COPB1: variants seen among roughly 807,000 people sequenced by gnomAD.
COPB1 encodes coat protein complex I subunit beta 1.
In COPB1, 21 loss-of-function variants were observed where a neutral mutation model predicts 108.7. The observed-to-expected ratio is 0.19, with a 90% CI of 0.14 to 0.28. The LOEUF is 0.28. COPB1 is among the 10% of genes least tolerant of loss of function. The pLI is 1.00. For missense variants in COPB1, 919 were observed against 1,141.3 expected (o/e 0.81, Z 2.81); for synonymous variants, 378 against 386.8 (o/e 0.98, Z 0.27).
intron 2 of COPB1, among the ~76,000 whole-genome samples, chr11:14,498,216 C>A (rs138918793): frequency 6.6e-6 from 1 of 152,328 alleles, no homozygotes; most frequent in East Asian, 1.9e-4. Flanking sequence ...GGGATGGATA[C>A]TCCATTTTTC....
chr11:14,461,395 A>G lies in COPB1; in HGVS notation c.2411-64T>C. The G allele has an allele frequency of 2.7e-6, 4 of 1,492,642 alleles. No individual in the cohort carries two copies. The South Asian group carries it at 3.6e-5, about 13-fold the overall frequency. 92.5% of individuals were successfully genotyped at this position (1,492,642 alleles called of 1,614,324 possible). A position where few individuals can be genotyped will look rare whatever the true frequency, so the allele number is the denominator to read the frequency against. On this transcript the variant is annotated intron_variant, in intron 18 of 21. Transcript: ENST00000439561. ...GCAAACTTGAATTTAAAAAATCTTA[A>G]TATCCAAATATCCAAAGAACTACAC... is the stretch of plus-strand genomic sequence containing the variant.
intron 18 of COPB1, among the ~76,000 whole-genome samples, chr11:14,463,618 C>T (rs1320584330): frequency 6.6e-6 from 1 of 152,204 alleles, no homozygotes; most frequent in East Asian, 1.9e-4. Context: ...CCACACCCGG[C>T]CTATCTCTAG....
intron 17 of COPB1, 71 bp from the exon 18 acceptor site, chr11:14,465,101 ACACACAC>A: frequency 8.4e-7 from 1 of 1,190,236 alleles, no homozygotes; most frequent in East Asian, 2.9e-5. Context: ...ACACACACAC[ACACACAC>A]ACTAACCATA....
chr11:14,493,644 A>G lies in COPB1; in HGVS notation c.489T>C (p.Tyr163=), dbSNP rs765772884. 7 of 1,607,134 alleles carry G rather than the reference A, an allele frequency of 4.4e-6. No individual in the cohort carries two copies. Among genetic ancestry groups the G allele is most frequent in the South Asian group, 2.2e-5 (2 of 88,996 alleles). Residue 163 remains tyrosine (Y), a splice_region_variant and synonymous_variant, in exon 4 of 22, where the codon TAT becomes TAC. Coordinates refer to ENST00000439561, the MANE Select transcript of COPB1 (RefSeq NM_001144061.2). ...RNAVLAIYTI[Y]RNFEHLIPDA... ...GCCAAAGCAGTATCTTTATTTACCT[A>G]TAGATGGTATAGATGGCCAAAACAG...
chr11:14,493,981 T>C (rs982640718), intron 3 of COPB1, among the ~76,000 whole-genome samples, 170 bp from the exon 4 acceptor site: 1 of 152,226 alleles, frequency 6.6e-6, no homozygotes, highest in African/African-American at 2.4e-5. Context: ...ATCTCATCAA[T>C]GTCTTATATG....
At chr11:14,474,996 T>G (rs1234081840) in intron 13 of COPB1, among the ~76,000 whole-genome samples, 4 of 146,908 alleles carry the variant, frequency 2.7e-5, no homozygotes, top group Non-Finnish European at 5.9e-5. Flanking sequence ...CTCAGGAGAT[T>G]GAGGCAGGAG....
chr11:14,464,735 T>C (rs1195374596), intron 18 of COPB1, among the ~76,000 whole-genome samples, 176 bp downstream of exon 18: 1 of 152,206 alleles, frequency 6.6e-6, no homozygotes, highest in Non-Finnish European at 1.5e-5. Flanking sequence ...TGACTCTATC[T>C]GGTTCATTTC....
At chr11:14,489,625 A>C (rs934320842) in intron 5 of COPB1, among the ~76,000 whole-genome samples, 1 of 152,238 alleles carries the variant, frequency 6.6e-6, no homozygotes, top group African/African-American at 2.4e-5. Context: ...AGCCAGTCAC[A>C]AAAGGACAAA....
At chr11:14,461,048 G>T in intron 19 of COPB1, 138 bp downstream of exon 19, 1 of 1,062,692 alleles carries the variant, frequency 9.4e-7, no homozygotes, top group Non-Finnish European at 1.4e-6. Context: ...AGGCTAATTT[G>T]CAAGAACAGA....
chr11:14,461,137 C>A (rs1027253194), intron 19 of COPB1, 49 bp downstream of exon 19: 2 of 1,611,172 alleles, frequency 1.2e-6, no homozygotes, highest in Middle Eastern at 1.7e-4. Flanking sequence ...CAACAGCAGG[C>A]AAAAGGAAGA....
intron 2 of COPB1, 75 bp downstream of exon 2, chr11:14,498,763 G>T: frequency 1.7e-6 from 2 of 1,158,648 alleles, no homozygotes; most frequent in Middle Eastern, 5.7e-4. Context: ...TAATTATAAA[G>T]GAATATGAAA....
Position 14,498,993 on chromosome 11 carries a change from A to C in COPB1, c.-57-8T>G. Reference sequence around the variant, plus strand: ...TTAAGGATGCCAGAAAATCTAGAAAAATAAACACAGACATATCATTACAAA... The same window carrying C: ...TTAAGGATGCCAGAAAATCTAGAAACATAAACACAGACATATCATTACAAA... On this transcript the variant is annotated splice_polypyrimidine_tract_variant and splice_region_variant and intron_variant, in intron 1 of 21. Coordinates refer to ENST00000439561, the MANE Select transcript of COPB1 (RefSeq NM_001144061.2). The C allele has an allele frequency of 1.5e-6, 2 of 1,315,034 alleles. No individual in the cohort carries two copies. The highest frequency in any genetic ancestry group is 2.1e-6 in the Non-Finnish European group (2 of 945,344). The allele number at this position is 1,315,034 out of a possible 1,614,324, so 81.5% of individuals were successfully genotyped here.
In COPB1 at chr11:14,458,313, T is replaced by C. The variant is rs140031672; in HGVS notation, c.2802+219A>G. Among the ~76,000 whole-genome samples, 374 of 152,076 alleles carry C rather than the reference T, an allele frequency of 2.5e-3. 1 individual carries two copies. The highest frequency in any genetic ancestry group is 3.8e-3 in the Non-Finnish European group (261 of 67,974). On this transcript the variant is annotated intron_variant, in intron 21 of 21. Coordinates refer to ENST00000439561, the MANE Select transcript of COPB1 (RefSeq NM_001144061.2). Reference sequence around the variant, plus strand: ...GAGAACCCATTTCACAAACACCCCATAGGAATCAATCTGGTTTTAGGCAAA... The same window carrying C: ...GAGAACCCATTTCACAAACACCCCACAGGAATCAATCTGGTTTTAGGCAAA...
chr11:14,495,231 C>T (rs893632846), intron 2 of COPB1, among the ~76,000 whole-genome samples: 1 of 152,120 alleles, frequency 6.6e-6, no homozygotes, highest in Non-Finnish European at 1.5e-5. Flanking sequence ...ATCCAAAACT[C>T]AAAGGCAGAG....
At chr11:14,478,822 A>C (rs547441948) in intron 11 of COPB1, 16 of 152,164 alleles carry the variant, frequency 1.1e-4, no homozygotes, top group Admixed American at 9.2e-4. Context: ...ATTTTAATTA[A>C]ATTTATTCAG....
At chr11:14,476,035 C>A in intron 12 of COPB1, 90 bp from the exon 13 acceptor site, 1 of 1,206,784 alleles carries the variant, frequency 8.3e-7, no homozygotes. Flanking sequence ...CTAAAAAAGG[C>A]ATTACCCTAA....
At chr11:14,466,173 T>A (rs1850276087) in intron 17 of COPB1, 109 bp downstream of exon 17, 2 of 1,060,016 alleles carry the variant, frequency 1.9e-6, no homozygotes, top group African/African-American at 1.6e-5. Context: ...ATTCAAAATG[T>A]CAGAAAAGGT....
At chr11:14,490,531 C>CAGT (rs1412837897) in intron 5 of COPB1, 34 bp downstream of exon 5, 1 of 1,192,938 alleles carries the variant, frequency 8.4e-7, no homozygotes, top group Admixed American at 2.0e-5. Flanking sequence ...CACTTAAATA[C>CAGT]AGTAATAAGA....
intron 2 of COPB1, among the ~76,000 whole-genome samples, chr11:14,498,099 G>A (rs992774235): frequency 5.1e-4 from 78 of 152,194 alleles, no homozygotes; most frequent in African/African-American, 1.8e-3. Context: ...AGTTAGACCC[G>A]ATATTTGATA....
Sources: gnomAD v4.1 joint callset for allele counts (sites outside exome capture counted in the v4.1 genomes callset) on GRCh38, gnomAD v4.1.1 for gene constraint, MANE v1.5 for transcripts, NCBI Gene and HGNC (gene_info 2026-07-23, HGNC 2026-07-21) for gene names.